The following BMAL1 variants were observed in gnomAD, a reference collection of about 807,000 sequenced individuals.
BMAL1 encodes basic helix-loop-helix ARNT like 1.
At chr11:13,357,856 AT>A in the BMAL1 span, among the ~76,000 whole-genome samples, 1 of 152,194 alleles carries the variant, frequency 6.6e-6, no homozygotes, top group Non-Finnish European at 1.5e-5. This position sits in a 1 kb window ranked among gnomAD's most constrained non-coding sequence, Gnocchi z 4.8. Flanking sequence ...GGAGTGTGAC[AT>A]TCCTCAGAGG....
chr11:13,293,580 A>G, the BMAL1 span, among the ~76,000 whole-genome samples: 1 of 152,362 alleles, frequency 6.6e-6, no homozygotes, highest in South Asian at 2.1e-4. Context: ...GGAAAAATGC[A>G]TTATACTAAG....
the BMAL1 span, among the ~76,000 whole-genome samples, chr11:13,278,874 T>G: frequency 6.6e-6 from 1 of 152,166 alleles, no homozygotes; most frequent in East Asian, 1.9e-4. Flanking sequence ...CCCGTTTGCT[T>G]GGAAGAAGAC....
chr11:13,366,801 T>G, the BMAL1 span: 1 of 1,601,442 alleles, frequency 6.2e-7, no homozygotes, highest in Admixed American at 1.7e-5. Context: ...CAGAGAGGCC[T>G]CGCATTTCCT....
chr11:13,360,923 A>G, the BMAL1 span, among the ~76,000 whole-genome samples: 2 of 152,276 alleles, frequency 1.3e-5, no homozygotes, highest in Admixed American at 6.5e-5. Context: ...TGAGACCAGC[A>G]TGGCCAACAT....
chr11:13,350,273 G>T, the BMAL1 span, among the ~76,000 whole-genome samples: 7 of 152,190 alleles, frequency 4.6e-5, no homozygotes, highest in African/African-American at 1.7e-4. Context: ...GCCCAAGGGG[G>T]CCAGGGCTCC....
the BMAL1 span, among the ~76,000 whole-genome samples, chr11:13,367,804 C>T: frequency 1.1e-4 from 16 of 151,292 alleles, no homozygotes; most frequent in African/African-American, 3.9e-4. Flanking sequence ...GAGCAAGTTA[C>T]TTAACCTCTC....
chr11:13,284,264 ATAT>A, the BMAL1 span, among the ~76,000 whole-genome samples: 78 of 34,780 alleles, frequency 2.2e-3, 10 homozygotes, highest in African/African-American at 0.012. Flanking sequence ...ATATATATAT[ATAT>A]TTTTTTTTTT....
chr11:13,341,028 G>A, the BMAL1 span, among the ~76,000 whole-genome samples: 16 of 152,244 alleles, frequency 1.1e-4, no homozygotes, highest in Admixed American at 5.2e-4. Flanking sequence ...AAGAGGCCCC[G>A]CCCTGACCAC....
chr11:13,348,405 C>T, the BMAL1 span, among the ~76,000 whole-genome samples: 2 of 152,104 alleles, frequency 1.3e-5, no homozygotes, highest in Non-Finnish European at 2.9e-5. Context: ...GGTATCCCGC[C>T]TCTGACCACA....
chr11:13,283,350 C>T, the BMAL1 span, among the ~76,000 whole-genome samples: 2 of 152,260 alleles, frequency 1.3e-5, no homozygotes, highest in African/African-American at 2.4e-5. Context: ...ATAATTATTA[C>T]GATAATAGCA....
the BMAL1 span, among the ~76,000 whole-genome samples, chr11:13,336,904 C>A: frequency 2.0e-5 from 3 of 152,160 alleles, no homozygotes; most frequent in Non-Finnish European, 4.4e-5. Flanking sequence ...TTTCCCTGTC[C>A]TTTGTTACTC....
the BMAL1 span, among the ~76,000 whole-genome samples, chr11:13,382,922 C>T: frequency 4.6e-5 from 7 of 152,154 alleles, no homozygotes; most frequent in Non-Finnish European, 8.8e-5. Context: ...CATAAAGCCC[C>T]AGCTATTTTT....
At chr11:13,306,111 A>G in the BMAL1 span, among the ~76,000 whole-genome samples, 4 of 152,042 alleles carry the variant, frequency 2.6e-5, no homozygotes, top group Admixed American at 6.5e-5. Flanking sequence ...AATCAGGGAA[A>G]GTGCACCTGC....
chr11:13,379,852 A>G, the BMAL1 span: 1 of 152,208 alleles, frequency 6.6e-6, no homozygotes, highest in Non-Finnish European at 1.5e-5. Flanking sequence ...GCGATTAAGA[A>G]ACACAAGAAA....
At chr11:13,376,105 C>T in the BMAL1 span, among the ~76,000 whole-genome samples, 1 of 152,220 alleles carries the variant, frequency 6.6e-6, no homozygotes, top group Non-Finnish European at 1.5e-5. Context: ...ATGAAAGGCT[C>T]ATTCAGGCAC....
chr11:13,330,660 G>A, the BMAL1 span, among the ~76,000 whole-genome samples: 1 of 152,200 alleles, frequency 6.6e-6, no homozygotes, highest in Non-Finnish European at 1.5e-5. Context: ...GTCTAAATTA[G>A]GAGATGGGAG....
chr11:13,385,398 C>T, the BMAL1 span, among the ~76,000 whole-genome samples: 2 of 152,128 alleles, frequency 1.3e-5, no homozygotes, highest in South Asian at 2.1e-4. Context: ...GGCATTGGTC[C>T]TAAAGAAATA....
the BMAL1 span, chr11:13,360,539 CCT>C: frequency 5.9e-6 from 5 of 847,944 alleles, no homozygotes; most frequent in South Asian, 1.7e-5. Flanking sequence ...AGGCCTGCTT[CCT>C]CTCTCAGGTC....
chr11:13,299,323 T>C, the BMAL1 span, among the ~76,000 whole-genome samples: 3 of 152,160 alleles, frequency 2.0e-5, no homozygotes, highest in African/African-American at 7.2e-5. Context: ...GGCAGTGTAA[T>C]ACCCATGTGT....
Sources: gnomAD v4.1 joint callset for allele counts (sites outside exome capture counted in the v4.1 genomes callset) on GRCh38, gnomAD v4.1.1 for gene constraint, Gnocchi (gnomAD v3.1) non-coding constraint, MANE v1.5 for transcripts, NCBI Gene and HGNC (gene_info 2026-07-23, HGNC 2026-07-21) for gene names.